The following CDH7 variants were observed in gnomAD, a reference collection of about 807,000 sequenced individuals.
CDH7 encodes cadherin 7.
In CDH7, 25 loss-of-function variants were observed where a neutral mutation model predicts 71.8. The observed-to-expected ratio is 0.35, with a 90% confidence interval of 0.25 to 0.49. The LOEUF (loss-of-function observed/expected upper bound fraction) is 0.49. Ranked by LOEUF, CDH7 falls within the 20% of genes least tolerant of loss-of-function variation. The pLI is 0.99. For missense variants in CDH7, 862 were observed against 974.6 expected (o/e 0.88, Z 1.54); for synonymous variants, 381 against 363.8 (o/e 1.05, Z -0.54).
chr18:65,884,810 A>T lies in CDH7; in HGVS notation c.*3916A>T, dbSNP rs939869263. 6 of 152,238 alleles carry T rather than the reference A, an allele frequency of 3.9e-5. No individual in the cohort carries two copies. The highest frequency in any genetic ancestry group is 8.8e-5 in the Non-Finnish European group (6 of 68,040). 9.4% of individuals were successfully genotyped at this position (152,238 alleles called of 1,614,324 possible). ...TTAATCTTCAGATTTTCAATTTAAC[A>T]TGTATTCACTTACAAACTGTTCTAA... is the stretch of plus-strand genomic sequence containing the variant. On this transcript the variant is annotated 3_prime_UTR_variant, in exon 12 of 12. Coordinates refer to ENST00000397968, the MANE Select transcript of CDH7 (RefSeq NM_004361.5).
Position 65,813,431 on chromosome 18 carries a change from T to C in CDH7, c.506-1054T>C, listed in dbSNP as rs559276606. On this transcript the variant is annotated intron_variant, in intron 3 of 11. Coordinates refer to ENST00000397968, the MANE Select transcript of CDH7 (RefSeq NM_004361.5). Reference sequence around the variant, plus strand: ...CCACGTAATTTTAAAGAAAATGGAATTGGCAATGAAATATATATAGAAAAT... The same window carrying C: ...CCACGTAATTTTAAAGAAAATGGAACTGGCAATGAAATATATATAGAAAAT... Among the ~76,000 whole-genome samples the C allele has an allele frequency of 6.6e-5, 10 of 152,290 alleles. No homozygotes were observed. The South Asian group carries it at 2.1e-3, about 32-fold the overall frequency.
rs776104131 is a variant in CDH7, at chr18:65,757,789, A to AT, written c.-196-4857dup. ...TTCAACTGTATATCCATATATATAT[A>AT]TATTTTTTTTTTCTGCACTTTTTAA... On this transcript the variant is annotated intron_variant, in intron 1 of 11. Coordinates refer to ENST00000397968, the MANE Select transcript of CDH7 (RefSeq NM_004361.5). 6.7e-3 allele frequency among the ~76,000 whole-genome samples: 963 copies of AT among 143,508 alleles called. 7 individuals carry two copies. Among genetic ancestry groups the AT allele is most frequent in the African/African-American group, 0.025 (911 of 36,686 alleles). The allele number at this position is 143,508 out of a possible 152,430, so 94.1% of individuals were successfully genotyped here.
At chr18:65,880,260 T>C in intron 11 of CDH7, 141 bp from the exon 12 acceptor site, 1 of 802,870 alleles carries the variant, frequency 1.2e-6, no homozygotes, top group Non-Finnish European at 1.9e-6. Context: ...CCGCTGTGAA[T>C]CCTTGTGGAA....
chr18:65,750,930 C>G (rs1190934878), upstream of CDH7: 1 of 152,228 alleles, frequency 6.6e-6, no homozygotes, highest in African/African-American at 2.4e-5. Flanking sequence ...GGGGCAGGGT[C>G]CCCGCGCACC....
intron 1 of CDH7, among the ~76,000 whole-genome samples, chr18:65,751,931 T>C (rs748302140): frequency 1.3e-5 from 2 of 152,202 alleles, no homozygotes; most frequent in Non-Finnish European, 2.9e-5. Flanking sequence ...ACCCTACGGA[T>C]TTCTTAAATG....
chr18:65,762,696 C>T lies in CDH7; in HGVS notation c.-147C>T. 1.6e-6 allele frequency: 1 copy of T among 634,150 alleles called. No individual in the cohort carries two copies. Among genetic ancestry groups the T allele is most frequent in the Non-Finnish European group, 2.7e-6 (1 of 368,452 alleles). 39.3% of individuals were successfully genotyped at this position (634,150 alleles called of 1,614,324 possible). ...GAAGGCTATTCAGCAGTGGTGACCT[C>T]TTCCAATCCAACACTCTACAGATTA... On this transcript the variant is annotated 5_prime_UTR_variant, in exon 2 of 12. Transcript: ENST00000397968.
At chr18:65,853,797 G>A (rs977426648) in intron 7 of CDH7, among the ~76,000 whole-genome samples, 2 of 150,682 alleles carry the variant, frequency 1.3e-5, no homozygotes, top group African/African-American at 4.9e-5. Context: ...AAAAGTTTAT[G>A]TAATGTATTT....
chr18:65,755,980 A>C (rs937108303), intron 1 of CDH7, among the ~76,000 whole-genome samples: 2 of 151,058 alleles, frequency 1.3e-5, no homozygotes, highest in African/African-American at 2.5e-5. Flanking sequence ...AACAAACAAA[A>C]AAACAAAAAC....
rs61611288 is a variant in CDH7 at position 65,766,885 on chromosome 18, TAAAAAAAAAAAAAAA to T, written c.210+3856_210+3870del. 1.8e-3 allele frequency among the ~76,000 whole-genome samples: 162 copies of T among 88,620 alleles called. 1 individual carries two copies. The highest frequency in any genetic ancestry group is 2.9e-3 in the Non-Finnish European group (108 of 36,664). 58.1% of individuals were successfully genotyped at this position (88,620 alleles called of 152,430 possible). On this transcript the variant is annotated intron_variant, in intron 2 of 11. Coordinates refer to ENST00000397968, the MANE Select transcript of CDH7 (RefSeq NM_004361.5). ...CTTAACGTCCTGTAACTGTCTGACGTAAAAAAAAAAAAAAAAAAAAAAAAAAAAAAAAAAAAAGTC... is the reference window on the plus strand; with the variant it reads ...CTTAACGTCCTGTAACTGTCTGACGTAAAAAAAAAAAAAAAAAAAAAAGTC...
chr18:65,827,110 G>A (rs1912160324), intron 6 of CDH7, among the ~76,000 whole-genome samples: 1 of 151,628 alleles, frequency 6.6e-6, no homozygotes, highest in South Asian at 2.1e-4. Flanking sequence ...ATCATTATAT[G>A]AGAAGTTAGC....
At chr18:65,790,574 T>C (rs1408266537) in intron 2 of CDH7, among the ~76,000 whole-genome samples, 1 of 152,182 alleles carries the variant, frequency 6.6e-6, no homozygotes, top group Non-Finnish European at 1.5e-5. Flanking sequence ...AGGAAAATCA[T>C]TGTTATAGAC....
intron 7 of CDH7, among the ~76,000 whole-genome samples, chr18:65,850,865 G>A (rs1312840779): frequency 7.1e-6 from 1 of 141,818 alleles, no homozygotes; most frequent in Non-Finnish European, 1.6e-5. Context: ...AGGCTGGAGT[G>A]CAATGGCACA....
intron 2 of CDH7, among the ~76,000 whole-genome samples, chr18:65,800,729 G>A (rs1008887651): frequency 4.6e-5 from 7 of 152,092 alleles, no homozygotes; most frequent in African/African-American, 1.4e-4. Context: ...TAGAATATAG[G>A]TTATAATATA....
chr18:65,833,731 A>G (rs1459727312), intron 6 of CDH7, among the ~76,000 whole-genome samples: 1 of 152,216 alleles, frequency 6.6e-6, no homozygotes, highest in Non-Finnish European at 1.5e-5. Context: ...AAGAGTAGAG[A>G]TGAACATAGA....
Position 65,887,519 on chromosome 18 carries a change from A to T in CDH7, c.*6625A>T, listed in dbSNP as rs1914402739. 6.6e-6 allele frequency: 1 copy of T among 151,666 alleles called. No homozygotes were observed. Among genetic ancestry groups the T allele is most frequent in the African/African-American group, 2.4e-5 (1 of 41,290 alleles). The allele number at this position is 151,666 out of a possible 1,614,324, so 9.4% of individuals were successfully genotyped here. A position where few individuals can be genotyped will look rare whatever the true frequency, so the allele number is the denominator to read the frequency against. ...CAGTAATTTTAAATGCCCAAAAATA[A>T]AAGGAAAAGGAAAAATAAGTCACTA... On this transcript the variant is annotated 3_prime_UTR_variant, in exon 12 of 12. Coordinates refer to ENST00000397968, the MANE Select transcript of CDH7 (RefSeq NM_004361.5).
At chr18:65,766,922 A>AAAAAAAAAAAATT (rs199518714) in intron 2 of CDH7, among the ~76,000 whole-genome samples, 6 of 136,894 alleles carry the variant, frequency 4.4e-5, no homozygotes, top group African/African-American at 1.6e-4. Flanking sequence ...AAAAAAAAAA[A>AAAAAAAAAAAATT]GTCTACAAAA....
At position 65,888,742 on chromosome 18, in the gene CDH7, A is replaced by AACACACACACAC. The variant is rs3061864; in HGVS notation, c.*7859_*7870dup. 5.6e-4 allele frequency: 84 copies of AACACACACACAC among 148,956 alleles called. No individual in the cohort carries two copies. The highest frequency in any genetic ancestry group is 1.9e-3 in the African/African-American group (77 of 40,782). The allele number at this position is 148,956 out of a possible 1,614,324, so 9.2% of individuals were successfully genotyped here. ...GCCCAGAATAACTGTAACTTATGCAAACACACACACACACACACACACTCA... is the reference window on the plus strand; with the variant it reads ...GCCCAGAATAACTGTAACTTATGCAAACACACACACACACACACACACACACACACACACTCA... On this transcript the variant is annotated 3_prime_UTR_variant, in exon 12 of 12. Transcript: ENST00000397968.
At chr18:65,799,720 G>A (rs1280056242) in intron 2 of CDH7, among the ~76,000 whole-genome samples, 1 of 151,620 alleles carries the variant, frequency 6.6e-6, no homozygotes, top group African/African-American at 2.4e-5. Flanking sequence ...TTGGTTCTTG[G>A]TCTTCAGTGT....
intron 7 of CDH7, among the ~76,000 whole-genome samples, chr18:65,849,557 C>T (rs1186210484): frequency 6.6e-6 from 1 of 151,738 alleles, no homozygotes; most frequent in East Asian, 2.0e-4. Flanking sequence ...GCATTACAGG[C>T]ATCCGCCACC....
Sources: allele counts gnomAD v4.1 joint callset (sites outside exome capture counted in the v4.1 genomes callset), GRCh38; gene constraint gnomAD v4.1.1; transcripts MANE v1.5; gene names NCBI Gene and HGNC (gene_info 2026-07-23, HGNC 2026-07-21).